The following ITPK1 variants were observed in gnomAD, a reference collection of about 807,000 sequenced individuals.
ITPK1 encodes the protein inositol-tetrakisphosphate 1-kinase.
Under a neutral mutation model 45.3 loss-of-function variants are expected in ITPK1, and 21 were observed. The ratio of observed to expected loss-of-function variants is 0.46; its 90% CI spans 0.33 to 0.67. The LOEUF (loss-of-function observed/expected upper bound fraction) is 0.67, where lower values mean the gene tolerates loss of function less well. Among genes scored for constraint, ITPK1 ranks in the 30% least tolerant of loss-of-function variants. The probability of loss-of-function intolerance (pLI) is 0.02; values close to 1 mark genes in which losing one functional copy is unlikely to be tolerated. For missense variants in ITPK1, 474 were observed against 573.5 expected (o/e 0.83, Z 1.77); for synonymous variants, 258 against 253.6 (o/e 1.02, Z -0.16).
In ITPK1 at chr14:93,036,518, C is replaced by A. The variant is rs1486782184; in HGVS notation, c.121-19717G>T. 6.6e-6 allele frequency among the ~76,000 whole-genome samples: 1 copy of A among 151,894 alleles called. No individual in the cohort carries two copies. Among genetic ancestry groups the A allele is most frequent in the African/African-American group, 2.4e-5 (1 of 41,338 alleles). On this transcript the variant is annotated intron_variant, in intron 3 of 10. Coordinates refer to ENST00000267615, the MANE Select transcript of ITPK1 (RefSeq NM_014216.6). This position sits in a 1 kb window ranked among gnomAD's most constrained non-coding sequence, Gnocchi z 4.1. ...TGGTGGGAGCACGTGCCCCATTTGACCCCCACGGCTCTTGCTGTTTGCTGG... is the reference window on the plus strand; with the variant it reads ...TGGTGGGAGCACGTGCCCCATTTGAACCCCACGGCTCTTGCTGTTTGCTGG...
At chr14:93,020,376 C>T (rs1161584341) in intron 3 of ITPK1, among the ~76,000 whole-genome samples, 2 of 152,222 alleles carry the variant, frequency 1.3e-5, no homozygotes, top group Admixed American at 1.3e-4. Context: ...ATCTCCAATC[C>T]ACTGCTTCTG....
chr14:92,951,928 C>G lies in ITPK1; in HGVS notation c.738+18G>C. ...GGAGGGCAGTTTCAGGCCAGGCCATCCCAGCAGAGGGACCCACCTCCGTCA... is the reference window on the plus strand; with the variant it reads ...GGAGGGCAGTTTCAGGCCAGGCCATGCCAGCAGAGGGACCCACCTCCGTCA... On this transcript the variant is annotated intron_variant, in intron 9 of 10. Transcript: ENST00000267615. 1 of 1,565,592 alleles carries G rather than the reference C, an allele frequency of 6.4e-7. No homozygotes were observed. The highest frequency in any genetic ancestry group is 2.3e-5 in the East Asian group (1 of 42,588).
At chr14:93,008,561 G>A (rs891224030) in intron 4 of ITPK1, among the ~76,000 whole-genome samples, 3 of 152,238 alleles carry the variant, frequency 2.0e-5, no homozygotes, top group African/African-American at 7.2e-5. Context: ...CCTATAGGGA[G>A]GGGCTCAGAG....
rs1048975412 is a variant in ITPK1, at chr14:93,036,819, T to C, written c.121-20018A>G. 6.6e-6 allele frequency: 1 copy of C among 152,276 alleles called. No individual in the cohort carries two copies. The highest frequency in any genetic ancestry group is 2.1e-4 in the South Asian group (1 of 4,834). 9.4% of individuals were successfully genotyped at this position (152,276 alleles called of 1,614,324 possible). A position where few individuals can be genotyped will look rare whatever the true frequency, so the allele number is the denominator to read the frequency against. On this transcript the variant is annotated intron_variant, in intron 3 of 10. Transcript: ENST00000267615. This position sits in a 1 kb window ranked among gnomAD's most constrained non-coding sequence, Gnocchi z 4.1. ...AGCAGAGCAGAGAAGGGCTGAGAGA[T>C]GCTGACAGCTGCCAAAAAGGGACCT...
chr14:92,994,057 C>T (rs1239897431), intron 4 of ITPK1, 60 bp from the exon 5 acceptor site: 1 of 1,049,980 alleles, frequency 9.5e-7, no homozygotes, highest in African/African-American at 1.6e-5. Context: ...GCAACTCACC[C>T]CTCGCGCCCT....
chr14:93,065,155 G>A (rs1007751261), intron 3 of ITPK1, among the ~76,000 whole-genome samples: 1 of 152,118 alleles, frequency 6.6e-6, no homozygotes, highest in Admixed American at 6.5e-5. Context: ...GGACAAGCTG[G>A]GACCTCACTC....
chr14:93,001,559 G>C (rs1383694178), intron 4 of ITPK1, among the ~76,000 whole-genome samples: 1 of 152,020 alleles, frequency 6.6e-6, no homozygotes, highest in African/African-American at 2.4e-5. Flanking sequence ...CAGCACCAAG[G>C]CGAACCCAGC....
At position 93,063,298 on chromosome 14, in the gene ITPK1, C is replaced by T. The variant is rs1361075169; in HGVS notation, c.120+13297G>A. Among the ~76,000 whole-genome samples the T allele has an allele frequency of 1.3e-5, 2 of 152,204 alleles. No individual in the cohort carries two copies. Among genetic ancestry groups the T allele is most frequent in the African/African-American group, 4.8e-5 (2 of 41,458 alleles). On this transcript the variant is annotated intron_variant, in intron 3 of 10. Coordinates refer to ENST00000267615, the MANE Select transcript of ITPK1 (RefSeq NM_014216.6). This position sits in a 1 kb window ranked among gnomAD's most constrained non-coding sequence, Gnocchi z 4.3. ...GGACCCACACCCTCCTGCCCAGGGA[C>T]CCCTGGTCCCCCACCCACCTGAGAT...
In ITPK1 at chr14:93,034,234, C is replaced by G. The variant is rs1007942554; in HGVS notation, c.121-17433G>C. ...TTCAGCCACACAGCACCTGCAGCAG[C>G]CGGGGGTTCCCATGGCAAACCACCC... On this transcript the variant is annotated intron_variant, in intron 3 of 10. Transcript: ENST00000267615. The surrounding 1 kb of genome is among the most constrained non-coding windows in gnomAD (Gnocchi z 4.1). Among the ~76,000 whole-genome samples, 4 of 151,236 alleles carry G rather than the reference C, an allele frequency of 2.6e-5. No homozygotes were observed. The highest frequency in any genetic ancestry group is 5.9e-5 in the Non-Finnish European group (4 of 67,760).
chr14:92,973,513 T>G (rs1445081118), intron 5 of ITPK1, among the ~76,000 whole-genome samples: 1 of 152,236 alleles, frequency 6.6e-6, no homozygotes, highest in African/African-American at 2.4e-5. Context: ...CTGGACTCAT[T>G]CAGGCCCTGG....
In ITPK1 at chr14:92,938,733, C is replaced by T. The variant is rs1887221969; in HGVS notation, c.*2828G>A. 4 of 600,468 alleles carry T rather than the reference C, an allele frequency of 6.7e-6. No individual in the cohort carries two copies. Among genetic ancestry groups the T allele is most frequent in the Admixed American group, 2.9e-5 (1 of 34,440 alleles). 37.2% of individuals were successfully genotyped at this position (600,468 alleles called of 1,614,324 possible). A position where few individuals can be genotyped will look rare whatever the true frequency, so the allele number is the denominator to read the frequency against. On this transcript the variant is annotated 3_prime_UTR_variant, in exon 11 of 11. Coordinates refer to ENST00000267615, the MANE Select transcript of ITPK1 (RefSeq NM_014216.6). ...CCTCCATGACACCAAGGGCAAAGCA[C>T]CAGTTCCAGGGTGGCCTCCCCTTGG...
intron 2 of ITPK1, among the ~76,000 whole-genome samples, chr14:93,113,127 A>C (rs1892815188): frequency 6.6e-6 from 1 of 152,262 alleles, no homozygotes; most frequent in Non-Finnish European, 1.5e-5. Flanking sequence ...CTCGGGTTCT[A>C]GAATGGCCCT....
chr14:92,959,260 G>C (rs1566697292), intron 7 of ITPK1, among the ~76,000 whole-genome samples: 1 of 152,352 alleles, frequency 6.6e-6, no homozygotes, highest in Admixed American at 6.5e-5. Context: ...GCTGGTGCCA[G>C]GGTCATGGCT....
chr14:93,094,432 C>A (rs1329163647), intron 2 of ITPK1, among the ~76,000 whole-genome samples: 1 of 152,202 alleles, frequency 6.6e-6, no homozygotes, highest in Non-Finnish European at 1.5e-5. Context: ...CAGCTGCACA[C>A]CACCCATACA....
chr14:93,057,112 C>T (rs960372657), intron 3 of ITPK1, among the ~76,000 whole-genome samples: 1 of 152,322 alleles, frequency 6.6e-6, no homozygotes, highest in East Asian at 1.9e-4. Context: ...ATGAGTAATG[C>T]TGTCAGGATT....
intron 8 of ITPK1, among the ~76,000 whole-genome samples, chr14:92,953,190 T>C (rs2402226): frequency 0.58 from 88,645 of 152,228 alleles, 27,363 homozygotes; most frequent in East Asian, 0.88. Flanking sequence ...CCGCAACAAT[T>C]ATGCATGAGG....
intron 5 of ITPK1, among the ~76,000 whole-genome samples, chr14:92,993,556 C>T (rs1886899231): frequency 6.6e-6 from 1 of 152,164 alleles, no homozygotes; most frequent in Admixed American, 6.5e-5. Context: ...TGCTTGCCTG[C>T]CACTGAGCTG....
chr14:92,946,562 C>G (rs1358703191), intron 9 of ITPK1, 69 bp from the exon 10 acceptor site: 4 of 1,464,142 alleles, frequency 2.7e-6, no homozygotes, highest in East Asian at 2.3e-5. Context: ...ACAGACAGAC[C>G]CCCCACACCA....
intron 5 of ITPK1, among the ~76,000 whole-genome samples, chr14:92,991,488 T>C (rs946599600): frequency 2.0e-5 from 3 of 151,050 alleles, no homozygotes; most frequent in African/African-American, 7.3e-5. Flanking sequence ...CCTGGACCTG[T>C]TGAGGACGGG....
Sources: allele counts gnomAD v4.1 joint callset (sites outside exome capture counted in the v4.1 genomes callset), GRCh38; gene constraint gnomAD v4.1.1; non-coding constraint Gnocchi (gnomAD v3.1); transcripts MANE v1.5; gene names NCBI Gene and HGNC (gene_info 2026-07-23, HGNC 2026-07-21).